IMMP2L: variants seen among roughly 807,000 people sequenced by gnomAD.
The protein encoded by IMMP2L is inner mitochondrial membrane peptidase subunit 2.
A neutral mutation model predicts 19.3 loss-of-function variants in IMMP2L; 18 were observed. The ratio of observed to expected loss-of-function variants is 0.93; its 90% CI spans 0.64 to 1.38. The LOEUF (loss-of-function observed/expected upper bound fraction) is 1.38. IMMP2L is among the 40% of genes most tolerant of loss of function. The pLI is 0.00. For synonymous variants in IMMP2L, 76 were observed against 73.0 expected (o/e 1.04, Z -0.21); for missense variants, 233 against 218.2 (o/e 1.07, Z -0.43).
At chr7:110,953,965 C>T (rs1818107796) in intron 4 of IMMP2L, among the ~76,000 whole-genome samples, 1 of 152,048 alleles carries the variant, frequency 6.6e-6, no homozygotes, top group Non-Finnish European at 1.5e-5. Context: ...TAAATGTCTT[C>T]TTTTGAGAAG....
Position 110,871,612 on chromosome 7 carries a change from G to A in IMMP2L, c.408+14981C>T, listed in dbSNP as rs1280985362. On this transcript the variant is annotated intron_variant, in intron 5 of 5. Coordinates refer to ENST00000405709, the MANE Select transcript of IMMP2L (RefSeq NM_032549.4). ...TGCTGACAAAGAACCAAATAAATGAGTAATCTTTCAGAGCCCAGGTGTTTA... is the reference window on the plus strand; with the variant it reads ...TGCTGACAAAGAACCAAATAAATGAATAATCTTTCAGAGCCCAGGTGTTTA... 3.3e-5 allele frequency among the ~76,000 whole-genome samples: 5 copies of A among 152,014 alleles called. No homozygotes were observed. In the East Asian group the frequency reaches 9.7e-4, roughly 29 times the overall value.
At chr7:111,367,194 G>T (rs10262060) in intron 3 of IMMP2L, among the ~76,000 whole-genome samples, 3,837 of 150,848 alleles carry the variant, frequency 0.025, 165 homozygotes, top group African/African-American at 0.088. Context: ...TCCTGTGTGG[G>T]TAAAATATTA....
At chr7:110,913,411 G>T (rs1047000847) in intron 4 of IMMP2L, among the ~76,000 whole-genome samples, 4 of 151,388 alleles carry the variant, frequency 2.6e-5, no homozygotes, top group African/African-American at 9.7e-5. Flanking sequence ...AGCAGAAAGG[G>T]GTTACCATCT....
At chr7:111,508,186 G>GA (rs1271610769) in intron 2 of IMMP2L, among the ~76,000 whole-genome samples, 12 of 150,856 alleles carry the variant, frequency 8.0e-5, no homozygotes, top group Non-Finnish European at 1.5e-4. Flanking sequence ...TAAAAAGAAA[G>GA]AAAAAAATTC....
chr7:111,075,021 G>A (rs1253872881), intron 3 of IMMP2L, among the ~76,000 whole-genome samples: 1 of 151,966 alleles, frequency 6.6e-6, no homozygotes, highest in African/African-American at 2.4e-5. Context: ...CAAGAAAGTG[G>A]AGAGAAGGGC....
intron 5 of IMMP2L, among the ~76,000 whole-genome samples, chr7:110,750,406 A>G (rs1197605398): frequency 6.6e-6 from 1 of 152,142 alleles, no homozygotes; most frequent in African/African-American, 2.4e-5. Context: ...AGACAGCTTT[A>G]GTAAAACCCT....
intron 3 of IMMP2L, among the ~76,000 whole-genome samples, chr7:111,202,372 CTG>C (rs1483241259): frequency 6.6e-6 from 1 of 152,180 alleles, no homozygotes; most frequent in African/African-American, 2.4e-5. Flanking sequence ...TCAAAAATAA[CTG>C]TACTCACGCA....
At chr7:111,199,225 T>C (rs1036974224) in intron 3 of IMMP2L, among the ~76,000 whole-genome samples, 2 of 152,178 alleles carry the variant, frequency 1.3e-5, no homozygotes, top group African/African-American at 4.8e-5. Flanking sequence ...CTACATATAA[T>C]GTATATTAAC....
At chr7:110,813,126 T>C (rs1802164162) in intron 5 of IMMP2L, among the ~76,000 whole-genome samples, 1 of 152,020 alleles carries the variant, frequency 6.6e-6, no homozygotes. Flanking sequence ...TGTGAAAAAG[T>C]TGTCATAAAA....
Position 111,123,193 on chromosome 7 carries a change from AACTT to A in IMMP2L, c.240-159632_240-159629del. On this transcript the variant is annotated intron_variant, in intron 3 of 5. Coordinates refer to ENST00000405709, the MANE Select transcript of IMMP2L (RefSeq NM_032549.4). This position sits in a 1 kb window ranked among gnomAD's most constrained non-coding sequence, Gnocchi z 6.4. ...TGAAAAATGTCTGTCCGAACTGAGCAACTTACAAGAACTCTATATTAATCACAAC... is the reference window on the plus strand; with the variant it reads ...TGAAAAATGTCTGTCCGAACTGAGCAACAAGAACTCTATATTAATCACAAC... The A allele has an allele frequency of 6.2e-7, 1 of 1,614,010 alleles. No individual in the cohort carries two copies. Among genetic ancestry groups the A allele is most frequent in the Non-Finnish European group, 8.5e-7 (1 of 1,179,966 alleles).
intron 3 of IMMP2L, among the ~76,000 whole-genome samples, chr7:111,346,052 T>C (rs1827505685): frequency 1.3e-5 from 2 of 152,172 alleles, no homozygotes; most frequent in South Asian, 4.1e-4. Context: ...TTATTTCAAT[T>C]ACCTAACCAC....
At chr7:110,880,674 G>C (rs940316000) in intron 5 of IMMP2L, among the ~76,000 whole-genome samples, 1 of 151,674 alleles carries the variant, frequency 6.6e-6, no homozygotes, top group South Asian at 2.1e-4. Flanking sequence ...TAAAATAAAG[G>C]CTTCAACCTC....
At chr7:111,014,519 T>C (rs954477628) in intron 3 of IMMP2L, among the ~76,000 whole-genome samples, 1 of 152,124 alleles carries the variant, frequency 6.6e-6, no homozygotes, top group Admixed American at 6.6e-5. Context: ...AAAAGGCTTT[T>C]GGAATGATTT....
At position 110,691,965 on chromosome 7, in the gene IMMP2L, C is replaced by A. The variant is rs138231643; in HGVS notation, c.409-28244G>T. ...GCAGCCCCATTACTGGGTATCTATT[C>A]GAAGGAAAAGAAGTCATTATATCAA... On this transcript the variant is annotated intron_variant, in intron 5 of 5. Coordinates refer to ENST00000405709, the MANE Select transcript of IMMP2L (RefSeq NM_032549.4). 3.3e-3 allele frequency among the ~76,000 whole-genome samples: 496 copies of A among 152,170 alleles called. 10 individuals are homozygous for A. Among genetic ancestry groups the A allele is most frequent in the Admixed American group, 0.029 (446 of 15,262 alleles).
rs150114024 is a variant in IMMP2L at position 110,877,871 on chromosome 7, C to G, written c.408+8722G>C. On this transcript the variant is annotated intron_variant, in intron 5 of 5. Transcript: ENST00000405709. This position sits in a 1 kb window ranked among gnomAD's most constrained non-coding sequence, Gnocchi z 4.0. ...TAAAAAACTAACACCATTAAGGACCCAGACATATGTTTTTCCATATATTTT... is the reference window on the plus strand; with the variant it reads ...TAAAAAACTAACACCATTAAGGACCGAGACATATGTTTTTCCATATATTTT... Among the ~76,000 whole-genome samples the G allele has an allele frequency of 1.3e-5, 2 of 151,996 alleles. No individual in the cohort carries two copies. Among genetic ancestry groups the G allele is most frequent in the Admixed American group, 1.3e-4 (2 of 15,232 alleles).
At chr7:110,839,809 C>T (rs1448752831) in intron 5 of IMMP2L, among the ~76,000 whole-genome samples, 1 of 151,836 alleles carries the variant, frequency 6.6e-6, no homozygotes, top group Non-Finnish European at 1.5e-5. Flanking sequence ...ATTAATTAAG[C>T]AGATATATTT....
intron 3 of IMMP2L, among the ~76,000 whole-genome samples, chr7:111,208,978 C>A (rs1264475015): frequency 6.6e-6 from 1 of 152,102 alleles, no homozygotes; most frequent in East Asian, 1.9e-4. Context: ...TATCTTACTC[C>A]CATGGGTGCT....
intron 5 of IMMP2L, among the ~76,000 whole-genome samples, chr7:110,762,261 C>T (rs564186314): frequency 8.6e-5 from 13 of 151,544 alleles, no homozygotes; most frequent in Admixed American, 2.0e-4. Context: ...TTTTCCCCAT[C>T]GGCAAGGTGC....
intron 3 of IMMP2L, among the ~76,000 whole-genome samples, chr7:111,161,860 A>T (rs1344888313): frequency 6.6e-6 from 1 of 152,180 alleles, no homozygotes; most frequent in East Asian, 1.9e-4. Context: ...TTTTATTGAC[A>T]GGACAATTTT....
Sources: gnomAD v4.1 joint callset for allele counts (sites outside exome capture counted in the v4.1 genomes callset) on GRCh38, gnomAD v4.1.1 for gene constraint, Gnocchi (gnomAD v3.1) non-coding constraint, MANE v1.5 for transcripts, NCBI Gene and HGNC (gene_info 2026-07-23, HGNC 2026-07-21) for gene names.